Variants in FMR1 observed in about 807,000 individuals in gnomAD.
FMR1 encodes fragile X messenger ribonucleoprotein 1, also known as FMRP translational regulator 1.
A neutral mutation model predicts 50.6 loss-of-function variants in FMR1; 13 were observed. The observed-to-expected ratio is 0.26, with a 90% confidence interval of 0.17 to 0.41. FMR1 has a LOEUF of 0.41. Among genes scored for constraint, FMR1 ranks in the 10% least tolerant of loss-of-function variants. FMR1 has a pLI of 1.00. For synonymous variants in FMR1, 138 were observed against 164.1 expected (o/e 0.84, Z 1.22); for missense variants, 316 against 491.3 (o/e 0.64, Z 3.37).
Position 147,930,109 on chromosome X carries a change from G to A in FMR1, c.514-19G>A. ...GGGCAATTGCCTTGATAATAATGTT[G>A]TTAATTTAAATCATTTAGTCCATCA... On this transcript the variant is annotated intron_variant, in intron 6 of 16. Transcript: ENST00000370475. 1 of 1,170,399 alleles carries A rather than the reference G, an allele frequency of 8.5e-7. No individual in the cohort carries two copies. The highest frequency in any genetic ancestry group is 1.2e-6 in the Non-Finnish European group (1 of 858,279).
At chrX:147,923,827 C>T (rs782320349) in intron 2 of FMR1, among the ~76,000 whole-genome samples, 1 of 111,844 alleles carries the variant, frequency 8.9e-6, no homozygotes, top group South Asian at 3.7e-4. Flanking sequence ...AATAGGTCTC[C>T]ACCAAAGTAA....
At chrX:147,933,463 G>C (rs2043678787) in intron 9 of FMR1, 1 of 992,371 alleles carries the variant, frequency 1.0e-6, no homozygotes, top group East Asian at 4.1e-5. Flanking sequence ...AGAAACTTCA[G>C]ATGTCTCTGG....
rs1426866986 is a variant in FMR1 at position 147,932,501 on chromosome X, C to G, written c.707C>G (p.Thr236Ser). ...REDLMGLAIGTHGANIQQARK... is the reference protein window; with the variant it reads ...REDLMGLAIGSHGANIQQARK... ...GATCTGATGGGTCTAGCTATTGGTA[C>G]TCATGGTGCTAATATTCAGCAAGCT... is the stretch of plus-strand genomic sequence containing the variant. Residue 236 changes from threonine (T) to serine (S), a missense_variant, in exon 8 of 17, where the codon ACT becomes AGT. By Grantham distance (58) the Thr-to-Ser change is moderately conservative (BLOSUM62 1). Coordinates refer to ENST00000370475, the MANE Select transcript of FMR1 (RefSeq NM_002024.6). 1 of 1,204,483 alleles carries G rather than the reference C, an allele frequency of 8.3e-7. No homozygotes were observed. Among genetic ancestry groups the G allele is most frequent in the African/African-American group, 1.8e-5 (1 of 57,056 alleles).
In FMR1 at chrX:147,950,035, T is replaced by C. The variant is rs981655220; in HGVS notation, c.*1191T>C. 3.8e-5 allele frequency: 12 copies of C among 313,361 alleles called. No individual in the cohort carries two copies. The highest frequency in any genetic ancestry group is 7.2e-5 in the Non-Finnish European group (12 of 166,086). 25.8% of individuals were successfully genotyped at this position (313,361 alleles called of 1,213,427 possible). ...ACAAATAACAACTTTTTTTTCTTTTTTTCTTTTGTTTTTTGAAGTGTTGGG... is the reference window on the plus strand; with the variant it reads ...ACAAATAACAACTTTTTTTTCTTTTCTTCTTTTGTTTTTTGAAGTGTTGGG... On this transcript the variant is annotated 3_prime_UTR_variant, in exon 17 of 17. Transcript: ENST00000370475.
In FMR1 at chrX:147,944,892, G is replaced by T. The variant is rs182830086; in HGVS notation, c.1495G>T (p.Ala499Ser). ...TSGTNSEASN[A>S]SETESDHRDE... ...AGGAACTAATTCTGAAGCATCAAAT[G>T]CTTCTGAAACAGAATCTGACCACAG... Residue 499 changes from alanine to serine, a missense_variant, in exon 15 of 17, where the codon GCT becomes TCT. By Grantham distance (99) the Ala-to-Ser change is moderately conservative. Transcript: ENST00000370475. 4.1e-6 allele frequency: 5 copies of T among 1,205,213 alleles called. No individual in the cohort carries two copies.
At chrX:147,930,368 A>G (rs2043550075) in intron 7 of FMR1, 124 bp downstream of exon 7, 4 of 543,742 alleles carry the variant, frequency 7.4e-6, no homozygotes, top group East Asian at 3.3e-5. Flanking sequence ...CTTAGGTTCT[A>G]TAGTTGGAAA....
At chrX:147,934,698 G>A (rs1387921565) in intron 9 of FMR1, among the ~76,000 whole-genome samples, 1 of 111,957 alleles carries the variant, frequency 8.9e-6, no homozygotes, top group Non-Finnish European at 1.9e-5. Flanking sequence ...AATCAGCCTT[G>A]TTTTTGTTTT....
chrX:147,933,514 G>T, intron 9 of FMR1: 2 of 930,724 alleles, frequency 2.1e-6, no homozygotes, highest in South Asian at 4.8e-5. Flanking sequence ...ATTTTGACTT[G>T]AGTAGTGTTT....
At chrX:147,941,703 TCTCTG>T (rs782402876) in intron 13 of FMR1, among the ~76,000 whole-genome samples, 1 of 110,972 alleles carries the variant, frequency 9.0e-6, no homozygotes, top group Non-Finnish European at 1.9e-5. Flanking sequence ...ATGTGTAATC[TCTCTG>T]TGTGTGTGTC....
intron 13 of FMR1, among the ~76,000 whole-genome samples, chrX:147,940,964 T>G (rs1557180740): frequency 8.9e-6 from 1 of 112,087 alleles, no homozygotes; most frequent in East Asian, 2.8e-4. Context: ...TTTGATCCTT[T>G]CTAGCATTTT....
At chrX:147,920,100 G>A (rs1191104655) in intron 1 of FMR1, among the ~76,000 whole-genome samples, 1 of 112,112 alleles carries the variant, frequency 8.9e-6, no homozygotes, top group Admixed American at 9.5e-5. Context: ...TCAGCGTCAT[G>A]AGGATTTACT....
At chrX:147,945,946 G>A (rs1043936288) in intron 16 of FMR1, among the ~76,000 whole-genome samples, 8 of 111,431 alleles carry the variant, frequency 7.2e-5, no homozygotes, top group Non-Finnish European at 1.5e-4. Flanking sequence ...GCGCAATCTC[G>A]GCTCAGAGCA....
chrX:147,935,646 A>G (rs1369733010), intron 9 of FMR1, among the ~76,000 whole-genome samples: 2 of 112,211 alleles, frequency 1.8e-5, no homozygotes, highest in Admixed American at 9.4e-5. Flanking sequence ...GTCATGATGC[A>G]AATGAAAGCA....
At chrX:147,935,888 T>C (rs1039779625) in intron 9 of FMR1, among the ~76,000 whole-genome samples, 1 of 112,239 alleles carries the variant, frequency 8.9e-6, no homozygotes, top group African/African-American at 3.2e-5. Flanking sequence ...TTGTAAGTAA[T>C]GCACAGGAGT....
chrX:147,945,679 T>A, intron 16 of FMR1, 63 bp downstream of exon 16: 2 of 784,252 alleles, frequency 2.6e-6, no homozygotes, highest in Non-Finnish European at 3.8e-6. Context: ...GATTTATGAG[T>A]TTATTTTACT....
At chrX:147,929,588 T>TA (rs200443574) in intron 5 of FMR1, among the ~76,000 whole-genome samples, 10 of 98,910 alleles carry the variant, frequency 1.0e-4, no homozygotes, top group East Asian at 3.1e-4. Context: ...AACTAAAAAT[T>TA]AAAAAAAAAG....
intron 3 of FMR1, among the ~76,000 whole-genome samples, chrX:147,927,436 C>A (rs29277): frequency 1.8e-5 from 2 of 111,490 alleles, no homozygotes; most frequent in African/African-American, 6.5e-5. Context: ...ATTGTGTGAT[C>A]ATTAACTTTG....
At chrX:147,940,350 A>G (rs1387310524) in intron 12 of FMR1, 1 of 387,326 alleles carries the variant, frequency 2.6e-6, no homozygotes, top group African/African-American at 2.6e-5. Flanking sequence ...TCTTTATAAT[A>G]ATCTGATACG....
intron 2 of FMR1, among the ~76,000 whole-genome samples, chrX:147,924,501 C>CTA (rs1238992074): frequency 0.091 from 3,773 of 41,334 alleles, 193 homozygotes; most frequent in Admixed American, 0.31. Context: ...GTGTGTGTGT[C>CTA]TATATATATA....
Sources: allele counts gnomAD v4.1 joint callset (sites outside exome capture counted in the v4.1 genomes callset), GRCh38; gene constraint gnomAD v4.1.1; transcripts MANE v1.5; gene names NCBI Gene and HGNC (gene_info 2026-07-23, HGNC 2026-07-21).